Variants in DNHD1 observed in about 807,000 individuals in gnomAD.
The protein encoded by DNHD1 is dynein heavy chain domain-containing protein 1.
Under a neutral mutation model 458.1 loss-of-function variants are expected in DNHD1, and 383 were observed. The ratio of observed to expected loss-of-function variants is 0.84; its 90% CI spans 0.77 to 0.91. The LOEUF is 0.91. Among genes scored for constraint, DNHD1 ranks in the 40% least tolerant of loss-of-function variants. The pLI is 0.00. For missense variants in DNHD1, 5,336 were observed against 5,866.1 expected (o/e 0.91, Z 2.95); for synonymous variants, 2,203 against 2,376.9 (o/e 0.93, Z 2.13).
In DNHD1 at chr11:6,567,832, T is replaced by C; in HGVS notation, c.12323T>C (p.Ile4108Thr). 1.2e-6 allele frequency: 2 copies of C among 1,612,664 alleles called. No homozygotes were observed. Among genetic ancestry groups the C allele is most frequent in the Non-Finnish European group, 1.7e-6 (2 of 1,179,770 alleles). The change falls in exon 36 of 43, where the codon ATC (isoleucine) becomes ACC (threonine). Residue 4108 changes from isoleucine (I) to threonine (T), a missense_variant. By Grantham distance (89) the Ile-to-Thr change is moderately conservative. Transcript: ENST00000254579. ...PSATLHPLTVIQKLAAKYQQG... is the reference protein window; with the variant it reads ...PSATLHPLTVTQKLAAKYQQG... The stretch of plus-strand genomic sequence containing the variant: ...GCCACTCTGCATCCTCTGACTGTCA[T>C]CCAGAAACTGGCTGCCAAGTATCAG...
rs780376143 is a variant in DNHD1, at chr11:6,498,646, C to T, written c.431C>T (p.Ala144Val). Residue 144 changes from alanine (A) to valine (V), a missense_variant, in exon 3 of 43, where the codon GCT becomes GTT. Coordinates refer to ENST00000254579, the MANE Select transcript of DNHD1 (RefSeq NM_144666.3). ...CCAGACAGCTCTTTGTTAGACAGTG[C>T]TTCCCATGCTGACTGCTGTCCCCAG... ...FPPDSSLLDS[A>V]SHADCCPQKR... is the part of the protein sequence containing the mutation. The T allele has an allele frequency of 1.2e-6, 2 of 1,614,118 alleles. No individual in the cohort carries two copies. Among genetic ancestry groups the T allele is most frequent in the Admixed American group, 3.3e-5 (2 of 60,010 alleles).
At chr11:6,563,586 G>A in intron 30 of DNHD1, 22 bp downstream of exon 30, 1 of 1,550,534 alleles carries the variant, frequency 6.4e-7, no homozygotes, top group Non-Finnish European at 8.7e-7. Flanking sequence ...GGAGCACAAT[G>A]AAGGAGGATA....
chr11:6,508,803 T>C, intron 4 of DNHD1, 77 bp from the exon 5 acceptor site: 1 of 1,387,770 alleles, frequency 7.2e-7, no homozygotes. Flanking sequence ...CTTTTTCATC[T>C]CCTGTATCCT....
rs770115450 is a variant in DNHD1, at chr11:6,566,770, T to C, written c.11385+5T>C. On this transcript the variant is annotated splice_donor_5th_base_variant and intron_variant, in intron 35 of 42. Coordinates refer to ENST00000254579, the MANE Select transcript of DNHD1 (RefSeq NM_144666.3). ...AAGGCTGTGGAGGCTGCTGAGGTGC[T>C]TGGGGGCTCAGTCTGTGGGTTGAGA... 6 of 1,608,480 alleles carry C rather than the reference T, an allele frequency of 3.7e-6. No homozygotes were observed. In the African/African-American group the frequency reaches 5.3e-5, roughly 14 times the overall value.
Position 6,571,424 on chromosome 11 carries a change from G to T in DNHD1, c.13911+1G>T, listed in dbSNP as rs771333334. On this transcript the variant is annotated splice_donor_variant, in intron 42 of 42. Transcript: ENST00000254579. LOFTEE classifies it high-confidence loss of function. The surrounding 1 kb of genome is among the most constrained non-coding windows in gnomAD (Gnocchi z 5.0). Reference sequence around the variant, plus strand: ...GAACAGCAACCCTCTGCACTTCAGGGTATCTTCGCGCCGCCCCTCGTTCGC... The same window carrying T: ...GAACAGCAACCCTCTGCACTTCAGGTTATCTTCGCGCCGCCCCTCGTTCGC... The T allele has an allele frequency of 1.5e-5, 23 of 1,583,708 alleles. No homozygotes were observed. The highest frequency in any genetic ancestry group is 1.7e-5 in the Admixed American group (1 of 57,748).
chr11:6,562,219 A>C (rs764690765), intron 28 of DNHD1, among the ~76,000 whole-genome samples: 1 of 152,182 alleles, frequency 6.6e-6, no homozygotes, highest in African/African-American at 2.4e-5. Context: ...GCCAAGGGTA[A>C]CAACTCAGTT....
chr11:6,544,191 G>T lies in DNHD1; in HGVS notation c.3699G>T (p.Lys1233Asn). The change falls in exon 19 of 43, where the codon AAG (lysine) becomes AAT (asparagine). Residue 1233 changes from lysine to asparagine, a missense_variant. Lys to Asn is a moderately conservative substitution (Grantham distance 94). Coordinates refer to ENST00000254579, the MANE Select transcript of DNHD1 (RefSeq NM_144666.3). ...TGTCCAAGATCTTGGCCATCGAAAA[G>T]TCAGGAGATTTAAACAAAATAGCTT... ...QVLSKILAIE[K>N]SGDLNKIALE... 1 of 1,551,650 alleles carries T rather than the reference G, an allele frequency of 6.4e-7. No individual in the cohort carries two copies. The highest frequency in any genetic ancestry group is 8.7e-7 in the Non-Finnish European group (1 of 1,146,972).
In DNHD1 at chr11:6,564,441, G is replaced by A. The variant is rs753619410; in HGVS notation, c.10393G>A (p.Glu3465Lys). Residue 3465 changes from glutamate to lysine, a missense_variant, in exon 32 of 43, where the codon GAG becomes AAG. This residue lies in a region of DNHD1 where 3,932 missense variants were observed against 4,365.6 expected (regional missense o/e 0.90). Transcript: ENST00000254579. ...PPLRRQELLD[E>K]WLALCRGFQE... ...ATTGCGGCGCCAAGAGCTACTGGAC[G>A]AGTGGTTAGCTCTGTGTAGGGGCTT... 7.7e-6 allele frequency: 12 copies of A among 1,551,700 alleles called. No homozygotes were observed. Among genetic ancestry groups the A allele is most frequent in the Middle Eastern group, 1.7e-4 (1 of 5,992 alleles).
Position 6,571,903 on chromosome 11 carries a change from A to G in DNHD1, c.14179A>G (p.Met4727Val). 6.2e-7 allele frequency: 1 copy of G among 1,614,014 alleles called. No individual in the cohort carries two copies. Among genetic ancestry groups the G allele is most frequent in the Non-Finnish European group, 8.5e-7 (1 of 1,179,898 alleles). ...TAAGCTGCAGAGCAGGAACATCGTG[A>G]TGCATCTGCCTTTACCCACCAAGCT... ...TAKLQSRNIV[M>V]HLPLPTKLTP... The change falls in exon 43 of 43, where the codon ATG becomes GTG. Residue 4727 changes from methionine to valine, a missense_variant. Met to Val is a conservative substitution (Grantham distance 21). Around this residue, in one of 4 missense-constraint regions of DNHD1, gnomAD observed 698 missense variants for 664.9 expected, o/e 1.05. Coordinates refer to ENST00000254579, the MANE Select transcript of DNHD1 (RefSeq NM_144666.3). This position sits in a 1 kb window ranked among gnomAD's most constrained non-coding sequence, Gnocchi z 5.0.
In DNHD1 at chr11:6,519,949, A is replaced by G. The variant is rs1234232768; in HGVS notation, c.1648-16A>G. On this transcript the variant is annotated splice_polypyrimidine_tract_variant and intron_variant, in intron 8 of 42. Transcript: ENST00000254579. ...ACATCTAGCCCCTCGACCTTTCCTG[A>G]CCCTTTTTTTTACAGGCCCCAAGGC... 13 of 1,613,752 alleles carry G rather than the reference A, an allele frequency of 8.1e-6. No homozygotes were observed. Among genetic ancestry groups the G allele is most frequent in the East Asian group, 4.5e-5 (2 of 44,884 alleles).
chr11:6,502,926 G>A lies in DNHD1; in HGVS notation c.920G>A (p.Arg307Lys). The change falls in exon 4 of 43, where the codon AGG (arginine) becomes AAG (lysine). Residue 307 changes from arginine to lysine, a missense_variant and splice_region_variant. Physicochemically the swap from Arg to Lys is conservative, Grantham distance 26. Transcript: ENST00000254579. ...AATGTGGCTCCCAGCCGGTACTTTA[G>A]GTGATAGCCTATGTCCAGGCCCCTT... Reference protein sequence around the residue: ...YLNVAPSRYFRPYSLMVVPPD... With the variant: ...YLNVAPSRYFKPYSLMVVPPD... 6.2e-7 allele frequency: 1 copy of A among 1,613,348 alleles called. No homozygotes were observed. Among genetic ancestry groups the A allele is most frequent in the South Asian group, 1.1e-5 (1 of 90,890 alleles).
At position 6,519,928 on chromosome 11, in the gene DNHD1, C is replaced by G. The variant is rs150005725; in HGVS notation, c.1648-37C>G. The G allele has an allele frequency of 1.6e-4, 257 of 1,613,584 alleles. 2 individuals are homozygous for G. In the African/African-American group the frequency reaches 2.4e-3, roughly 15 times the overall value. Reference sequence around the variant, plus strand: ...GATGCTGAGGAATGTATACTGACATCTAGCCCCTCGACCTTTCCTGACCCT... The same window carrying G: ...GATGCTGAGGAATGTATACTGACATGTAGCCCCTCGACCTTTCCTGACCCT... On this transcript the variant is annotated intron_variant, in intron 8 of 42. Coordinates refer to ENST00000254579, the MANE Select transcript of DNHD1 (RefSeq NM_144666.3).
intron 10 of DNHD1, 21 bp downstream of exon 10, chr11:6,520,310 A>AG (rs1852580438): frequency 6.4e-7 from 1 of 1,551,502 alleles, no homozygotes; most frequent in Non-Finnish European, 8.7e-7. Flanking sequence ...AGACCTAGGC[A>AG]GGGGGTAGGA....
At chr11:6,549,034 CT>C (rs1335273719) in intron 24 of DNHD1, 101 bp downstream of exon 24, 8 of 1,302,158 alleles carry the variant, frequency 6.1e-6, no homozygotes, top group African/African-American at 1.5e-5. Context: ...GTCTGTAGAT[CT>C]AACTTTAGTG....
rs111982303 is a variant in DNHD1 at position 6,557,558 on chromosome 11, C to T, written c.8263C>T (p.Pro2755Ser). Reference sequence around the variant, plus strand: ...TCCAAGTCTAACACCATCCATAGGACCAGTAAGCAGGGGGATGAAGGAAAG... The same window carrying T: ...TCCAAGTCTAACACCATCCATAGGATCAGTAAGCAGGGGGATGAAGGAAAG... ...RDPSLTPSIG[P>S]VSRGMKESIS... Residue 2755 changes from proline (P) to serine (S), a missense_variant, in exon 25 of 43, where the codon CCA becomes TCA. This residue lies in a region of DNHD1 where 3,932 missense variants were observed against 4,365.6 expected (regional missense o/e 0.90). Transcript: ENST00000254579. 15,034 of 1,551,652 alleles carry T rather than the reference C, an allele frequency of 9.7e-3. 329 individuals carry two copies. Among genetic ancestry groups the T allele is most frequent in the South Asian group, 0.072 (6,082 of 84,056 alleles).
At chr11:6,570,188 T>C in intron 40 of DNHD1, 59 bp from the exon 41 acceptor site, 1 of 1,613,378 alleles carries the variant, frequency 6.2e-7, no homozygotes, top group South Asian at 1.1e-5. Context: ...ACAGCTTTGG[T>C]TTTGGCGGTG....
intron 3 of DNHD1, among the ~76,000 whole-genome samples, chr11:6,500,924 T>C (rs1726809259): frequency 1.3e-5 from 2 of 151,876 alleles, no homozygotes; most frequent in South Asian, 4.2e-4. Context: ...AAAAGAATAC[T>C]GTCTTTTGCC....
Position 6,518,834 on chromosome 11 carries a change from G to T in DNHD1, c.1393-766G>T, listed in dbSNP as rs74424169. 5.9e-5 allele frequency among the ~76,000 whole-genome samples: 9 copies of T among 152,220 alleles called. No individual in the cohort carries two copies. The East Asian group carries it at 1.7e-3, about 29-fold the overall frequency. On this transcript the variant is annotated intron_variant, in intron 7 of 42. Coordinates refer to ENST00000254579, the MANE Select transcript of DNHD1 (RefSeq NM_144666.3). Reference sequence around the variant, plus strand: ...TAGGACTTAACTGTCTTATGCTTGGGTCTGAGAAGACTGGGGCTTGAGCTC... The same window carrying T: ...TAGGACTTAACTGTCTTATGCTTGGTTCTGAGAAGACTGGGGCTTGAGCTC...
chr11:6,513,814 C>T (rs1435584310), intron 7 of DNHD1, among the ~76,000 whole-genome samples: 1 of 151,992 alleles, frequency 6.6e-6, no homozygotes, highest in Non-Finnish European at 1.5e-5. Flanking sequence ...GTTTACGTTT[C>T]CATCAGTGAT....
Sources: gnomAD v4.1 joint callset for allele counts (sites outside exome capture counted in the v4.1 genomes callset) on GRCh38, gnomAD v4.1.1 for gene constraint, gnomAD v4.1.1 regional missense constraint, Gnocchi (gnomAD v3.1) non-coding constraint, MANE v1.5 for transcripts, NCBI Gene and HGNC (gene_info 2026-07-23, HGNC 2026-07-21) for gene names.